ZNF701: variants seen among roughly 807,000 people sequenced by gnomAD.
The protein encoded by ZNF701 is zinc finger protein 701.
A neutral mutation model predicts 7.1 loss-of-function variants in ZNF701; 6 were observed. The observed-to-expected ratio is 0.84, with a 90% CI of 0.46 to 1.66. The LOEUF (loss-of-function observed/expected upper bound fraction) is 1.66. Among genes scored for constraint, ZNF701 ranks in the 40% most tolerant of loss-of-function variants. ZNF701 has a pLI of 0.01. For synonymous variants in ZNF701, 166 were observed against 188.2 expected (o/e 0.88, Z 0.97); for missense variants, 541 against 559.2 (o/e 0.97, Z 0.33).
At chr19:52,596,102 A>AG in the ZNF701 span, 3 of 1,047,472 alleles carry the variant, frequency 2.9e-6, no homozygotes, top group Non-Finnish European at 4.4e-6. Context: ...AGTACACATG[A>AG]GGGAAAAACC....
chr19:52,589,223 A>C (rs2060027271), downstream of ZNF701, among the ~76,000 whole-genome samples: 1 of 152,184 alleles, frequency 6.6e-6, no homozygotes, highest in Non-Finnish European at 1.5e-5. Context: ...CTGTGGTCTT[A>C]CCACCATGTT....
rs1370141232 is a variant in ZNF701, at chr19:52,584,267, CTT to C, written c.*811_*812del. ...GACAGTAGAGTCAATTCAGAATTGA[CTT>C]GAGTTTGAGTTGACTTAAAACATTC... On this transcript the variant is annotated 3_prime_UTR_variant, in exon 4 of 4. Transcript: ENST00000391785. 1 of 223,572 alleles carries C rather than the reference CTT, an allele frequency of 4.5e-6. No individual in the cohort carries two copies. Among genetic ancestry groups the C allele is most frequent in the Non-Finnish European group, 9.1e-6 (1 of 109,498 alleles). The allele number at this position is 223,572 out of a possible 1,614,324, so 13.8% of individuals were successfully genotyped here.
rs142390931 is a variant in ZNF701, at chr19:52,583,369, C to T, written c.1310C>T (p.Pro437Leu). The T allele has an allele frequency of 8.7e-6, 14 of 1,607,868 alleles. No individual in the cohort carries two copies. The African/African-American group carries it at 1.7e-4, about 20-fold the overall frequency. Residue 437 changes from proline to leucine, a missense_variant, in exon 4 of 4, where the codon CCT (proline) becomes CTT (leucine). Pro to Leu is a moderately conservative substitution (Grantham distance 98, BLOSUM62 -3). Transcript: ENST00000391785. ...CHRRLHTGEK[P>L]YKCNECGKVF... ...CGTAGACTTCATACTGGAGAGAAAC[C>T]TTACAAGTGTAATGAATGTGGCAAG... is the stretch of plus-strand genomic sequence containing the variant.
chr19:52,596,100 T>A, the ZNF701 span: 1 of 1,075,364 alleles, frequency 9.3e-7, no homozygotes. Context: ...GAAGTACACA[T>A]GAGGGAAAAA....
downstream of ZNF701, chr19:52,592,025 TTC>T: frequency 1.6e-6 from 1 of 638,354 alleles, no homozygotes; most frequent in African/African-American, 1.8e-5. Context: ...GATACTTATT[TTC>T]TCTTTTCTCA....
At position 52,584,338 on chromosome 19, in the gene ZNF701, T is replaced by C; in HGVS notation, c.*881T>C. 1 of 185,690 alleles carries C rather than the reference T, an allele frequency of 5.4e-6. No individual in the cohort carries two copies. Among genetic ancestry groups the C allele is most frequent in the Non-Finnish European group, 1.1e-5 (1 of 88,048 alleles). The allele number at this position is 185,690 out of a possible 1,614,324, so 11.5% of individuals were successfully genotyped here. Reference sequence around the variant, plus strand: ...CATTAAAGTGTTTATGTTAAGAGGATTGGGCCAGGCGTGTGGCTCACGCCT... The same window carrying C: ...CATTAAAGTGTTTATGTTAAGAGGACTGGGCCAGGCGTGTGGCTCACGCCT... On this transcript the variant is annotated 3_prime_UTR_variant, in exon 4 of 4. Coordinates refer to ENST00000391785, the MANE Select transcript of ZNF701 (RefSeq NM_018260.3).
the ZNF701 span, chr19:52,596,830 A>C: frequency 3.7e-6 from 2 of 543,462 alleles, no homozygotes; most frequent in Admixed American, 1.9e-5. Flanking sequence ...CACACCTTGC[A>C]TGTCATCATA....
Position 52,582,247 on chromosome 19 carries a change from A to G in ZNF701, c.188A>G (p.Gln63Arg), listed in dbSNP as rs577114553. ...CMMKMFSSTG[Q>R]GNTEVVHTGT... ...ATGAAGATGTTCTCATCAACAGGAC[A>G]AGGCAATACAGAAGTGGTCCACACA... Residue 63 changes from glutamine (Q) to arginine (R), a missense_variant, in exon 4 of 4, where the codon CAA becomes CGA. Transcript: ENST00000391785. The G allele has an allele frequency of 1.2e-6, 2 of 1,603,924 alleles. No homozygotes were observed. Among genetic ancestry groups the G allele is most frequent in the Admixed American group, 3.4e-5 (2 of 58,310 alleles).
chr19:52,596,888 A>G, the ZNF701 span: 2 of 555,538 alleles, frequency 3.6e-6, no homozygotes, highest in Non-Finnish European at 7.3e-6. Context: ...ACCTTGCACA[A>G]CATCAGAGAG....
the ZNF701 span, chr19:52,592,244 C>T: frequency 6.4e-7 from 1 of 1,568,676 alleles, no homozygotes; most frequent in South Asian, 1.1e-5. Flanking sequence ...GAAAATATCC[C>T]TCCAGACATG....
intron 3 of ZNF701, among the ~76,000 whole-genome samples, chr19:52,581,595 C>G (rs527565244): frequency 6.6e-6 from 1 of 152,316 alleles, no homozygotes; most frequent in South Asian, 2.1e-4. Context: ...GCACTGCAAC[C>G]TTTGCCTCTT....
chr19:52,580,968 A>G (rs1163026070), intron 3 of ZNF701, among the ~76,000 whole-genome samples: 3 of 128,696 alleles, frequency 2.3e-5, no homozygotes, highest in African/African-American at 7.6e-5. Flanking sequence ...TACTAAAAAT[A>G]TAAAAATTAG....
intron 2 of ZNF701, chr19:52,575,646 C>G (rs34126621): frequency 0.025 from 8,791 of 356,288 alleles, 135 homozygotes; most frequent in Non-Finnish European, 0.036. Context: ...ACAACAGATG[C>G]CTGCCACCAT....
the ZNF701 span, chr19:52,597,775 C>T: frequency 7.1e-5 from 14 of 196,502 alleles, no homozygotes; most frequent in African/African-American, 3.1e-4. Context: ...AGGGCAAGGT[C>T]TGGAAGTGGT....
In ZNF701 at chr19:52,586,422, C is replaced by G. The variant is rs187008524; in HGVS notation, c.*2965C>G. On this transcript the variant is annotated 3_prime_UTR_variant, in exon 4 of 4. Transcript: ENST00000391785. ...CCTGTCATCCCAGCACTTTGTGAGGCCGATTCTCCTCTATCCAGGAGACGG... is the reference window on the plus strand; with the variant it reads ...CCTGTCATCCCAGCACTTTGTGAGGGCGATTCTCCTCTATCCAGGAGACGG... 6.6e-6 allele frequency: 1 copy of G among 152,090 alleles called. No individual in the cohort carries two copies. Among genetic ancestry groups the G allele is most frequent in the Non-Finnish European group, 1.5e-5 (1 of 68,032 alleles). The allele number at this position is 152,090 out of a possible 1,614,324, so 9.4% of individuals were successfully genotyped here.
the ZNF701 span, among the ~76,000 whole-genome samples, chr19:52,594,740 C>T: frequency 8.7e-5 from 13 of 149,950 alleles, no homozygotes; most frequent in South Asian, 2.1e-4. Flanking sequence ...CTCGAACTCC[C>T]GACCTCAGGT....
At chr19:52,590,013 C>T (rs190668477), downstream of ZNF701, among the ~76,000 whole-genome samples, 226 of 152,050 alleles carry the variant, frequency 1.5e-3, no homozygotes, top group African/African-American at 5.2e-3. Flanking sequence ...AGGCTGGTCT[C>T]GATCTCCCGA....
chr19:52,578,810 T>G (rs891374257), intron 3 of ZNF701, among the ~76,000 whole-genome samples: 3 of 152,168 alleles, frequency 2.0e-5, no homozygotes, highest in Admixed American at 6.5e-5. Context: ...CAGGCTGGAG[T>G]GCAGTGGTGC....
chr19:52,580,823 C>T (rs373381370), intron 3 of ZNF701, among the ~76,000 whole-genome samples: 41 of 152,248 alleles, frequency 2.7e-4, no homozygotes, highest in African/African-American at 8.9e-4. Context: ...ACACTCCACT[C>T]GTTACTGTCA....
Sources: allele counts gnomAD v4.1 joint callset (sites outside exome capture counted in the v4.1 genomes callset), GRCh38; gene constraint gnomAD v4.1.1; transcripts MANE v1.5; gene names NCBI Gene and HGNC (gene_info 2026-07-23, HGNC 2026-07-21).